UNC5D: variants seen among roughly 807,000 people sequenced by gnomAD.
UNC5D encodes netrin receptor UNC5D.
A neutral mutation model predicts 105.4 loss-of-function variants in UNC5D; 39 were observed. The ratio of observed to expected loss-of-function variants is 0.37; its 90% CI spans 0.29 to 0.48. The LOEUF is 0.48. UNC5D is among the 20% of genes least tolerant of loss of function. The pLI is 0.98. For synonymous variants in UNC5D, 452 were observed against 450.4 expected (o/e 1.00, Z -0.04); for missense variants, 991 against 1,202.4 (o/e 0.82, Z 2.60).
rs200229341 is a variant in UNC5D, at chr8:35,568,273, G to C, written c.466+32G>C. 4.7e-4 allele frequency: 760 copies of C among 1,608,660 alleles called. 1 individual carries two copies. The highest frequency in any genetic ancestry group is 6.2e-4 in the Non-Finnish European group (732 of 1,176,638). ...ACATTCTGGGTGACCTTGTCTTGTA[G>C]GACCACAAATGAGAGTTAAATAGAG... On this transcript the variant is annotated intron_variant, in intron 3 of 16. Transcript: ENST00000404895.
At chr8:35,344,354 A>G (rs572266945) in intron 1 of UNC5D, among the ~76,000 whole-genome samples, 203 of 152,178 alleles carry the variant, frequency 1.3e-3, no homozygotes, top group Middle Eastern at 3.4e-3. Context: ...CATGATCTCC[A>G]TGATTCTGCT....
At chr8:35,568,331 C>G (rs1181210670) in intron 3 of UNC5D, 90 bp downstream of exon 3, 1 of 1,479,940 alleles carries the variant, frequency 6.8e-7, no homozygotes, top group Non-Finnish European at 9.1e-7. Flanking sequence ...TCAGATGCTT[C>G]TACAGAATGT....
Position 35,389,584 on chromosome 8 carries a change from A to G in UNC5D, c.103+153697A>G, listed in dbSNP as rs368868180. On this transcript the variant is annotated intron_variant, in intron 1 of 16. Transcript: ENST00000404895. The stretch of plus-strand genomic sequence containing the variant: ...GCCTCTTTTATAAAAAACAAGAAAG[A>G]ACATTATGACTTGCTAAATAACTTG... Among the ~76,000 whole-genome samples the G allele has an allele frequency of 6.6e-5, 10 of 152,310 alleles. No homozygotes were observed. In the East Asian group the frequency reaches 1.4e-3, roughly 21 times the overall value.
At chr8:35,272,315 C>G (rs537126021) in intron 1 of UNC5D, among the ~76,000 whole-genome samples, 2 of 152,028 alleles carry the variant, frequency 1.3e-5, no homozygotes, top group African/African-American at 4.8e-5. Flanking sequence ...GGTTGGGTTC[C>G]CCTGGGATGT....
At chr8:35,520,768 C>A (rs1428572881) in intron 1 of UNC5D, among the ~76,000 whole-genome samples, 1 of 152,004 alleles carries the variant, frequency 6.6e-6, no homozygotes, top group Admixed American at 6.6e-5. Flanking sequence ...GTGGTCATTA[C>A]CATTAAGTTT....
At chr8:35,419,993 G>A (rs565216598) in intron 1 of UNC5D, among the ~76,000 whole-genome samples, 74 of 152,156 alleles carry the variant, frequency 4.9e-4, no homozygotes, top group African/African-American at 1.3e-3. Context: ...TTATGGGCTC[G>A]GAATGGGGGA....
At chr8:35,399,520 T>C (rs1206523444) in intron 1 of UNC5D, among the ~76,000 whole-genome samples, 5 of 152,168 alleles carry the variant, frequency 3.3e-5, no homozygotes, top group Non-Finnish European at 7.3e-5. Flanking sequence ...AAGCCACGTA[T>C]TTTCTGCTAT....
At chr8:35,774,609 T>A in intron 16 of UNC5D, 132 bp downstream of exon 16, 1 of 1,197,986 alleles carries the variant, frequency 8.3e-7, no homozygotes, top group Non-Finnish European at 1.2e-6. Flanking sequence ...TCCTGTGTGT[T>A]CCCACTAAGT....
chr8:35,504,341 T>G (rs1812174373), intron 1 of UNC5D, among the ~76,000 whole-genome samples: 1 of 152,116 alleles, frequency 6.6e-6, no homozygotes, highest in Admixed American at 6.6e-5. Flanking sequence ...ATTAAAAGAG[T>G]TAATATCTCT....
intron 9 of UNC5D, among the ~76,000 whole-genome samples, 200 bp from the exon 10 acceptor site, chr8:35,725,952 A>G (rs1159012004): frequency 6.6e-6 from 1 of 152,168 alleles, no homozygotes; most frequent in African/African-American, 2.4e-5. Context: ...CATTTAGAGA[A>G]TGGACGGTGG....
intron 1 of UNC5D, among the ~76,000 whole-genome samples, chr8:35,392,841 G>A (rs1204431622): frequency 6.6e-6 from 1 of 152,034 alleles, no homozygotes; most frequent in Non-Finnish European, 1.5e-5. Flanking sequence ...CCACTAGAAT[G>A]GCTATCTCAT....
At chr8:35,572,333 C>A (rs954025981) in intron 3 of UNC5D, among the ~76,000 whole-genome samples, 2 of 129,410 alleles carry the variant, frequency 1.5e-5, no homozygotes, top group Admixed American at 1.5e-4. Context: ...CTGAAAAAAA[C>A]TGCATGGGCT....
intron 4 of UNC5D, among the ~76,000 whole-genome samples, chr8:35,674,520 A>G (rs1825064624): frequency 6.6e-6 from 1 of 152,232 alleles, no homozygotes; most frequent in South Asian, 2.1e-4. Flanking sequence ...TTTAAGGATT[A>G]AATTAACTAA....
chr8:35,789,027 G>A (rs1159889377), intron 16 of UNC5D, among the ~76,000 whole-genome samples: 1 of 150,596 alleles, frequency 6.6e-6, no homozygotes, highest in Non-Finnish European at 1.5e-5. Context: ...AAGGGACGAA[G>A]TGGACCTTTC....
At chr8:35,598,067 C>A (rs1344304063) in intron 4 of UNC5D, among the ~76,000 whole-genome samples, 1 of 152,086 alleles carries the variant, frequency 6.6e-6, no homozygotes, top group African/African-American at 2.4e-5. Context: ...CCCCAGTTCT[C>A]ACACTGCTTT....
At chr8:35,554,643 C>G (rs1816404209) in intron 2 of UNC5D, among the ~76,000 whole-genome samples, 1 of 152,184 alleles carries the variant, frequency 6.6e-6, no homozygotes, top group Non-Finnish European at 1.5e-5. Context: ...TCTTGGCAAT[C>G]AAGATTATGT....
chr8:35,413,292 T>TGTGTGTGTTGTGTGTGTG (rs56157732), intron 1 of UNC5D, among the ~76,000 whole-genome samples: 2 of 127,978 alleles, frequency 1.6e-5, no homozygotes, highest in African/African-American at 3.1e-5. Flanking sequence ...TGTGTGTGTG[T>TGTGTGTGTTGTGTGTGTG]TGTGTGTGTG....
At chr8:35,501,139 A>G (rs1811940335) in intron 1 of UNC5D, among the ~76,000 whole-genome samples, 1 of 152,230 alleles carries the variant, frequency 6.6e-6, no homozygotes, top group Admixed American at 6.5e-5. Context: ...AGAGTCAGCC[A>G]TGAAACTACT....
intron 1 of UNC5D, chr8:35,544,475 A>G (rs1815495584): frequency 1.2e-6 from 2 of 1,613,602 alleles, no homozygotes; most frequent in Non-Finnish European, 1.7e-6. Context: ...TAAAGCTCTC[A>G]GTGATGTCTG....
Sources: allele counts gnomAD v4.1 joint callset (sites outside exome capture counted in the v4.1 genomes callset), GRCh38; gene constraint gnomAD v4.1.1; transcripts MANE v1.5; gene names NCBI Gene and HGNC (gene_info 2026-07-23, HGNC 2026-07-21).